Variants in KIF27 observed in about 807,000 individuals in gnomAD.
The protein encoded by KIF27 is kinesin-like protein KIF27.
Under a neutral mutation model 141.8 loss-of-function variants are expected in KIF27, and 84 were observed. The observed-to-expected ratio is 0.59, with a 90% CI of 0.50 to 0.71. The LOEUF is 0.71. KIF27 is among the 30% of genes least tolerant of loss of function. The pLI is 0.00. For missense variants in KIF27, 1,306 were observed against 1,628.4 expected (o/e 0.80, Z 3.41); for synonymous variants, 471 against 569.5 (o/e 0.83, Z 2.46).
intron 3 of KIF27, among the ~76,000 whole-genome samples, chr9:83,908,240 T>C (rs1053177485): frequency 7.3e-6 from 1 of 136,340 alleles, no homozygotes; most frequent in Non-Finnish European, 1.5e-5. Context: ...CTAGCCTGGC[T>C]GATGGAGCGA....
chr9:83,843,565 T>C (rs1251991054), intron 16 of KIF27, among the ~76,000 whole-genome samples: 2 of 152,328 alleles, frequency 1.3e-5, no homozygotes, highest in African/African-American at 4.8e-5. Context: ...CATCATCTTG[T>C]TTTAAAAAAT....
At chr9:83,912,376 T>C (rs1381666668) in intron 2 of KIF27, among the ~76,000 whole-genome samples, 1 of 152,248 alleles carries the variant, frequency 6.6e-6, no homozygotes, top group Non-Finnish European at 1.5e-5. Flanking sequence ...ACTGCCATCA[T>C]GTGGCAAGTA....
At chr9:83,912,769 T>C (rs1955297131) in intron 2 of KIF27, among the ~76,000 whole-genome samples, 1 of 152,002 alleles carries the variant, frequency 6.6e-6, no homozygotes, top group Admixed American at 6.6e-5. Context: ...ATTTAAAGAG[T>C]ACACAAAAGT....
intron 11 of KIF27, among the ~76,000 whole-genome samples, chr9:83,877,723 T>C (rs972000578): frequency 6.6e-6 from 1 of 152,056 alleles, no homozygotes; most frequent in African/African-American, 2.4e-5. Flanking sequence ...AAAGAAAACC[T>C]ACAGAATAGG....
Position 83,850,297 on chromosome 9 carries a change from C to G in KIF27, c.3358G>C (p.Val1120Leu). The G allele has an allele frequency of 6.2e-7, 1 of 1,606,916 alleles. No homozygotes were observed. The highest frequency in any genetic ancestry group is 2.2e-5 in the East Asian group (1 of 44,840). The change falls in exon 16 of 18, where the codon GTG (valine) becomes CTG (leucine). Residue 1120 changes from valine (V) to leucine (L), a missense_variant and splice_region_variant. By Grantham distance (32) the Val-to-Leu change is conservative. Transcript: ENST00000297814. ...RTILFRYFNK[V>L]VNLREAERKQ... ...CGTTCAGCTTCTCGCAAATTCACCA[C>G]CTAACAAATACATATTTTGACCTGT...
At chr9:83,889,290 T>A (rs775629927) in intron 6 of KIF27, 37 bp from the exon 7 acceptor site, 4 of 1,558,044 alleles carry the variant, frequency 2.6e-6, no homozygotes, top group Non-Finnish European at 3.5e-6. Context: ...ACAAAAAAAG[T>A]GATATTTTAA....
At chr9:83,917,141 C>T (rs1405816980) in intron 1 of KIF27, among the ~76,000 whole-genome samples, 1 of 151,422 alleles carries the variant, frequency 6.6e-6, no homozygotes, top group African/African-American at 2.4e-5. Flanking sequence ...CCTTCCCCCA[C>T]CCCACAACAA....
At chr9:83,892,389 T>C (rs1952769609) in intron 5 of KIF27, among the ~76,000 whole-genome samples, 1 of 151,852 alleles carries the variant, frequency 6.6e-6, no homozygotes, top group African/African-American at 2.4e-5. Flanking sequence ...AAAGTACCAA[T>C]TAATATTAGG....
intron 5 of KIF27, among the ~76,000 whole-genome samples, chr9:83,894,263 A>C (rs895292175): frequency 1.4e-4 from 22 of 152,226 alleles, no homozygotes; most frequent in African/African-American, 5.1e-4. Context: ...ACTTGTTACA[A>C]TATCTGACAA....
chr9:83,880,534 C>G, intron 10 of KIF27, 40 bp from the exon 11 acceptor site: 1 of 1,419,592 alleles, frequency 7.0e-7, no homozygotes, highest in East Asian at 2.3e-5. Context: ...AAAACTGAAT[C>G]TCTCACAATC....
chr9:83,919,483 T>C (rs1956038249), intron 1 of KIF27, among the ~76,000 whole-genome samples: 1 of 152,150 alleles, frequency 6.6e-6, no homozygotes, highest in African/African-American at 2.4e-5. Context: ...TTAGGTTCTT[T>C]GGAAAAGCTG....
At chr9:83,861,768 T>C (rs939249726) in intron 13 of KIF27, among the ~76,000 whole-genome samples, 2 of 151,608 alleles carry the variant, frequency 1.3e-5, no homozygotes, top group Non-Finnish European at 2.9e-5. Flanking sequence ...TCTTCCACAA[T>C]GGTTGAACTA....
At chr9:83,855,500 G>A (rs1428999773) in intron 14 of KIF27, among the ~76,000 whole-genome samples, 3 of 152,176 alleles carry the variant, frequency 2.0e-5, no homozygotes, top group African/African-American at 7.2e-5. Flanking sequence ...ATACTAAAAT[G>A]TACTTAGGTG....
chr9:83,844,716 T>C (rs1947032439), intron 16 of KIF27, among the ~76,000 whole-genome samples: 1 of 152,178 alleles, frequency 6.6e-6, no homozygotes, highest in South Asian at 2.1e-4. Flanking sequence ...AGCTGGTTGG[T>C]TGCTCCTAAG....
chr9:83,901,970 G>T (rs979163754), intron 4 of KIF27, among the ~76,000 whole-genome samples: 3 of 152,114 alleles, frequency 2.0e-5, no homozygotes, highest in African/African-American at 7.2e-5. Flanking sequence ...AAATAGCTTA[G>T]ATTTTTTCAG....
chr9:83,847,988 C>G (rs931726393), intron 16 of KIF27: 7 of 142,786 alleles, frequency 4.9e-5, no homozygotes, highest in African/African-American at 1.8e-4. Flanking sequence ...TTTATATATC[C>G]TATATATTTT....
intron 5 of KIF27, among the ~76,000 whole-genome samples, chr9:83,893,959 T>C (rs1187914313): frequency 6.6e-6 from 1 of 152,110 alleles, no homozygotes; most frequent in Non-Finnish European, 1.5e-5. Flanking sequence ...GTCCCCTTTA[T>C]TCATTAATAA....
At chr9:83,915,112 A>T (rs1366475117) in intron 2 of KIF27, among the ~76,000 whole-genome samples, 182 bp downstream of exon 2, 1 of 152,256 alleles carries the variant, frequency 6.6e-6, no homozygotes, top group South Asian at 2.1e-4. Flanking sequence ...TTGCTTAATG[A>T]AACTTCAATA....
Position 83,891,316 on chromosome 9 carries a change from T to A in KIF27, c.1788A>T (p.Pro596=). 6.2e-7 allele frequency: 1 copy of A among 1,612,448 alleles called. No homozygotes were observed. The highest frequency in any genetic ancestry group is 8.5e-7 in the Non-Finnish European group (1 of 1,179,256). Reference sequence around the variant, plus strand: ...TTACCTTCCTGGAATCTTGTCTTGATGGGATATAAATATAATGCCCCAAAT... The same window carrying A: ...TTACCTTCCTGGAATCTTGTCTTGAAGGGATATAAATATAATGCCCCAAAT... The part of the protein sequence containing the change: ...DTHLGHYIYI[P]SRQDSRKVHT... The change falls in exon 6 of 18, where the codon CCA becomes CCT. Residue 596 remains proline, a synonymous_variant. Coordinates refer to ENST00000297814, the MANE Select transcript of KIF27 (RefSeq NM_017576.4).
Sources: gnomAD v4.1 joint callset for allele counts (sites outside exome capture counted in the v4.1 genomes callset) on GRCh38, gnomAD v4.1.1 for gene constraint, MANE v1.5 for transcripts, NCBI Gene and HGNC (gene_info 2026-07-23, HGNC 2026-07-21) for gene names.